The following TNNI3K variants were observed in gnomAD, a reference collection of about 807,000 sequenced individuals.
TNNI3K encodes serine/threonine-protein kinase TNNI3K.
Under a neutral mutation model 114.5 loss-of-function variants are expected in TNNI3K, and 140 were observed. That is an observed-to-expected ratio of 1.22 (90% CI 1.07 to 1.41). TNNI3K has a LOEUF of 1.41. TNNI3K is among the 40% of genes most tolerant of loss of function. The pLI is 0.00. For synonymous variants in TNNI3K, 347 were observed against 347.5 expected, an observed-to-expected ratio of 1.00 and a Z score of 0.02; for missense variants, 1,125 against 1,007.6, an observed-to-expected ratio of 1.12 and a Z score of -1.58.
intron 17 of TNNI3K, chr1:74,372,970 T>C (rs1160126991): frequency 1.3e-5 from 2 of 151,900 alleles, no homozygotes; most frequent in Admixed American, 1.3e-4. Context: ...ATTTTGTAGG[T>C]GCCTTCATTA....
Position 74,492,227 on chromosome 1 carries a change from A to G in TNNI3K, c.2312A>G (p.Tyr771Cys). The G allele has an allele frequency of 1.9e-6, 3 of 1,612,208 alleles. No individual in the cohort carries two copies. Among genetic ancestry groups the G allele is most frequent in the Non-Finnish European group, 2.5e-6 (3 of 1,178,610 alleles). The change falls in exon 23 of 25, where the codon TAT becomes TGT. Residue 771 changes from tyrosine (Y) to cysteine (C), a missense_variant. Coordinates refer to ENST00000326637, the MANE Select transcript of TNNI3K (RefSeq NM_015978.3). ...TTAAGAAGTCGTTTCGAATTGGAATATGCTCTAAATGCAAGGTCCTATGCT... is the reference window on the plus strand; with the variant it reads ...TTAAGAAGTCGTTTCGAATTGGAATGTGCTCTAAATGCAAGGTCCTATGCT... The part of the protein sequence containing the change: ...AALRSRFELE[Y>C]ALNARSYAAL...
chr1:74,523,968 C>A (rs951908103), intron 23 of TNNI3K, among the ~76,000 whole-genome samples: 5 of 152,108 alleles, frequency 3.3e-5, no homozygotes, highest in Non-Finnish European at 5.9e-5. Flanking sequence ...ATTCCACTCC[C>A]TGTGCCCATA....
rs189780087 is a variant in TNNI3K at position 74,282,564 on chromosome 1, G to A, written c.444+10856G>A. Among the ~76,000 whole-genome samples the A allele has an allele frequency of 2.4e-4, 37 of 152,034 alleles. 1 individual carries two copies. The highest frequency in any genetic ancestry group is 2.4e-3 in the Admixed American group (36 of 15,276). On this transcript the variant is annotated intron_variant, in intron 5 of 24. Transcript: ENST00000326637. ...ATTTTAACTTAATTACTTCTTCAAA[G>A]GCTCTATTTGTAAATAGTCACATCC...
chr1:74,248,817 C>T (rs1414350188), intron 2 of TNNI3K, among the ~76,000 whole-genome samples: 1 of 152,114 alleles, frequency 6.6e-6, no homozygotes, highest in Non-Finnish European at 1.5e-5. Flanking sequence ...AGAGTTATTC[C>T]TGTATCTTTG....
At chr1:74,383,258 A>G (rs576841091) in intron 17 of TNNI3K, among the ~76,000 whole-genome samples, 2 of 151,624 alleles carry the variant, frequency 1.3e-5, no homozygotes, top group African/African-American at 4.8e-5. Context: ...TTACTTGCCC[A>G]GCTTGTTCTT....
chr1:74,539,939 T>G (rs2100463056), intron 23 of TNNI3K, among the ~76,000 whole-genome samples: 1 of 152,230 alleles, frequency 6.6e-6, no homozygotes, highest in African/African-American at 2.4e-5. Context: ...TGGAAATTAT[T>G]TATGTTCTTT....
chr1:74,455,948 T>G (rs1667207200), intron 20 of TNNI3K, among the ~76,000 whole-genome samples: 1 of 152,182 alleles, frequency 6.6e-6, no homozygotes, highest in Non-Finnish European at 1.5e-5. Context: ...CCCAGTCAAG[T>G]TGACACATTT....
At chr1:74,274,396 G>A (rs1446999823) in intron 5 of TNNI3K, among the ~76,000 whole-genome samples, 3 of 151,828 alleles carry the variant, frequency 2.0e-5, no homozygotes, top group Non-Finnish European at 2.9e-5. Context: ...TGTTGTTCAA[G>A]GGTCAACTAT....
At chr1:74,525,731 A>C (rs1044014639) in intron 23 of TNNI3K, among the ~76,000 whole-genome samples, 1 of 152,182 alleles carries the variant, frequency 6.6e-6, no homozygotes, top group African/African-American at 2.4e-5. Flanking sequence ...GGCCACAGAG[A>C]ACTTCTTACA....
chr1:74,464,326 A>C (rs1269817134), intron 21 of TNNI3K, among the ~76,000 whole-genome samples: 1 of 152,166 alleles, frequency 6.6e-6, no homozygotes, highest in East Asian at 1.9e-4. Context: ...TTGTCTATTA[A>C]AATCCTTGTG....
chr1:74,543,129 C>G (rs1174900050), intron 24 of TNNI3K, among the ~76,000 whole-genome samples: 1 of 112,622 alleles, frequency 8.9e-6, no homozygotes, highest in East Asian at 3.1e-4. Flanking sequence ...GGCTGGAGTG[C>G]GGTGGTGCGA....
intron 21 of TNNI3K, among the ~76,000 whole-genome samples, chr1:74,479,786 C>T (rs1436002904): frequency 6.6e-6 from 1 of 152,192 alleles, no homozygotes; most frequent in Non-Finnish European, 1.5e-5. Flanking sequence ...AGTGTCATAA[C>T]AAATGCACTA....
intron 20 of TNNI3K, among the ~76,000 whole-genome samples, chr1:74,455,094 A>T (rs1381086564): frequency 6.6e-6 from 1 of 152,152 alleles, no homozygotes; most frequent in Admixed American, 6.6e-5. Context: ...AACTACTCAT[A>T]GTATAGAGAA....
chr1:74,493,452 C>T (rs1669175754), intron 23 of TNNI3K, among the ~76,000 whole-genome samples: 1 of 152,218 alleles, frequency 6.6e-6, no homozygotes, highest in Non-Finnish European at 1.5e-5. Context: ...AACATTCTTT[C>T]ATAGCTAGCT....
At chr1:74,465,329 C>A (rs965122120) in intron 21 of TNNI3K, among the ~76,000 whole-genome samples, 1 of 152,184 alleles carries the variant, frequency 6.6e-6, no homozygotes, top group African/African-American at 2.4e-5. Flanking sequence ...AGCATGAGTT[C>A]CCAGTGGGTG....
chr1:74,380,817 G>A (rs1288231119), intron 17 of TNNI3K, among the ~76,000 whole-genome samples: 2 of 152,090 alleles, frequency 1.3e-5, no homozygotes, highest in Non-Finnish European at 2.9e-5. Context: ...GGTAATCTGT[G>A]CATTTCTCAC....
At chr1:74,358,300 G>A (rs1661767474) in intron 11 of TNNI3K, among the ~76,000 whole-genome samples, 1 of 152,090 alleles carries the variant, frequency 6.6e-6, no homozygotes, top group Admixed American at 6.6e-5. Context: ...ACAGTGACAG[G>A]AAGCTGGAGG....
chr1:74,270,698 C>T (rs941897319), intron 4 of TNNI3K, among the ~76,000 whole-genome samples: 2 of 151,634 alleles, frequency 1.3e-5, no homozygotes, highest in South Asian at 2.1e-4. Flanking sequence ...AATGCACTGG[C>T]CTATCTTATG....
intron 21 of TNNI3K, chr1:74,464,499 A>G: frequency 1.4e-6 from 2 of 1,390,290 alleles, no homozygotes. Flanking sequence ...GATCCTTCCT[A>G]GGCACTTTAT....
Sources: gnomAD v4.1 joint callset for allele counts (sites outside exome capture counted in the v4.1 genomes callset) on GRCh38, gnomAD v4.1.1 for gene constraint, MANE v1.5 for transcripts, NCBI Gene and HGNC (gene_info 2026-07-23, HGNC 2026-07-21) for gene names.